Variants in FBN2 observed in about 807,000 individuals in gnomAD.
The protein encoded by FBN2 is fibrillin-2.
FBN2 carries 105 observed loss-of-function variants against 355.6 expected under a neutral mutation model. That is an observed-to-expected ratio of 0.30 (90% CI 0.25 to 0.35). FBN2 has a LOEUF of 0.35. Ranked by LOEUF, FBN2 falls within the 10% of genes least tolerant of loss-of-function variation. The pLI is 1.00. For synonymous variants in FBN2, 1,350 were observed against 1,301.2 expected, an observed-to-expected ratio of 1.04 and a Z score of -0.81; for missense variants, 3,280 against 3,758.7, an observed-to-expected ratio of 0.87 and a Z score of 3.33.
At chr5:128,343,890 A>G (rs1268669156) in intron 25 of FBN2, among the ~76,000 whole-genome samples, 1 of 152,200 alleles carries the variant, frequency 6.6e-6, no homozygotes, top group African/African-American at 2.4e-5. Context: ...TTCTCTCACA[A>G]CGAGTTTATT....
chr5:128,534,286 A>G (rs946730922), intron 2 of FBN2, among the ~76,000 whole-genome samples: 8 of 152,188 alleles, frequency 5.3e-5, no homozygotes, highest in African/African-American at 1.9e-4. Context: ...AAGGCCTGGA[A>G]TTAAAATTCT....
chr5:128,308,589 AAG>A (rs370746586), intron 41 of FBN2, among the ~76,000 whole-genome samples: 129 of 152,270 alleles, frequency 8.5e-4, no homozygotes, highest in African/African-American at 3.0e-3. Context: ...CAGGTCATAA[AAG>A]AGAGCCTGAT....
At chr5:128,439,850 A>G (rs1753869846) in intron 7 of FBN2, among the ~76,000 whole-genome samples, 1 of 152,132 alleles carries the variant, frequency 6.6e-6, no homozygotes, top group Non-Finnish European at 1.5e-5. Flanking sequence ...TATTTTTAGT[A>G]TCACTTTCTT....
Position 128,291,631 on chromosome 5 carries a change from G to T in FBN2, c.6190C>A (p.Pro2064Thr). ...CIDINECDED[P>T]NICLFGSCTN... ...CAGGAACCAAAAAGACAAATGTTGG[G>T]ATCTTCATCACATTCATTTATATCT... The change falls in exon 49 of 65, where the codon CCC becomes ACC. Residue 2064 changes from proline to threonine, a missense_variant. Pro to Thr is a conservative substitution (Grantham distance 38). Around this residue, in one of 6 missense-constraint regions of FBN2, gnomAD observed 2,284 missense variants for 2,749.5 expected, o/e 0.83. Transcript: ENST00000262464. 6.2e-7 allele frequency: 1 copy of T among 1,613,462 alleles called. No individual in the cohort carries two copies. Among genetic ancestry groups the T allele is most frequent in the Non-Finnish European group, 8.5e-7 (1 of 1,179,510 alleles).
rs1215574126 is a variant in FBN2 at position 128,537,837 on chromosome 5, G to C, written c.-234C>G. ...CTAGCGCAGTGAGCGGCGAGGCGCGGCGGAGGTGCAGCCGGCAGCCCCGAG... is the reference window on the plus strand; with the variant it reads ...CTAGCGCAGTGAGCGGCGAGGCGCGCCGGAGGTGCAGCCGGCAGCCCCGAG... On this transcript the variant is annotated 5_prime_UTR_variant, in exon 1 of 65. Transcript: ENST00000262464. 3.4e-6 allele frequency: 2 copies of C among 596,634 alleles called. No individual in the cohort carries two copies. Among genetic ancestry groups the C allele is most frequent in the Admixed American group, 5.9e-5 (2 of 33,702 alleles). The allele number at this position is 596,634 out of a possible 1,614,324, so 37.0% of individuals were successfully genotyped here. A position where few individuals can be genotyped will look rare whatever the true frequency, so the allele number is the denominator to read the frequency against.
chr5:128,324,910 C>T (rs1750502485), intron 34 of FBN2, among the ~76,000 whole-genome samples: 1 of 152,094 alleles, frequency 6.6e-6, no homozygotes, highest in Non-Finnish European at 1.5e-5. Flanking sequence ...TGAGCCACTG[C>T]GCTCGGCCAT....
In FBN2 at chr5:128,291,667, G is replaced by T. The variant is rs1315944744; in HGVS notation, c.6167-13C>A. The T allele has an allele frequency of 6.2e-7, 1 of 1,612,540 alleles. No homozygotes were observed. Among genetic ancestry groups the T allele is most frequent in the African/African-American group, 1.3e-5 (1 of 74,964 alleles). On this transcript the variant is annotated splice_polypyrimidine_tract_variant and intron_variant, in intron 48 of 64. Transcript: ENST00000262464. ...CATTCATTTATATCTGCAGAACAGG[G>T]GGAGTATTTATTAGCCATTCAACAC...
intron 25 of FBN2, among the ~76,000 whole-genome samples, chr5:128,339,761 G>T (rs934896803): frequency 6.6e-6 from 1 of 152,132 alleles, no homozygotes; most frequent in Admixed American, 6.6e-5. Context: ...ACCCCAGGTC[G>T]CAGCATGTGA....
Position 128,464,840 on chromosome 5 carries a change from G to C in FBN2, c.710C>G (p.Thr237Ser). ...CCGTCCAATGGTGGCACAGCACAGA[G>C]TCTTCGTGCAGACAATGCCTGTCAG... Reference protein sequence around the residue: ...GQLTGIVCTKTLCCATIGRAW... With the variant: ...GQLTGIVCTKSLCCATIGRAW... The change falls in exon 6 of 65, where the codon ACT (threonine) becomes AGT (serine). Residue 237 changes from threonine to serine, a missense_variant. Around this residue, in one of 6 missense-constraint regions of FBN2, gnomAD observed 130 missense variants for 189.9 expected, o/e 0.68. Transcript: ENST00000262464. The C allele has an allele frequency of 1.2e-6, 2 of 1,614,268 alleles. No individual in the cohort carries two copies. The highest frequency in any genetic ancestry group is 1.7e-6 in the Non-Finnish European group (2 of 1,180,054).
intron 6 of FBN2, among the ~76,000 whole-genome samples, chr5:128,449,610 T>C (rs1754182458): frequency 6.6e-6 from 1 of 151,304 alleles, no homozygotes; most frequent in South Asian, 2.1e-4. Context: ...ATATACACTA[T>C]TAATCTAAGA....
chr5:128,336,281 C>T (rs1353594310), intron 27 of FBN2, among the ~76,000 whole-genome samples, 168 bp from the exon 28 acceptor site: 1 of 152,208 alleles, frequency 6.6e-6, no homozygotes, highest in Non-Finnish European at 1.5e-5. Context: ...CTATTTCCAT[C>T]TACAACAATA....
At chr5:128,307,047 G>A in intron 42 of FBN2, 88 bp downstream of exon 42, 1 of 840,740 alleles carries the variant, frequency 1.2e-6, no homozygotes, top group South Asian at 1.4e-5. Flanking sequence ...TATATTTTGT[G>A]GTACTCTTGA....
chr5:128,432,742 T>A (rs1753658525), intron 7 of FBN2, among the ~76,000 whole-genome samples: 1 of 152,102 alleles, frequency 6.6e-6, no homozygotes, highest in South Asian at 2.1e-4. Flanking sequence ...AAACTAGTAT[T>A]TTATTTTGAC....
At chr5:128,472,834 T>TG (rs1430057968) in intron 5 of FBN2, among the ~76,000 whole-genome samples, 1 of 151,564 alleles carries the variant, frequency 6.6e-6, no homozygotes, top group African/African-American at 2.4e-5. Context: ...TTTTATGCAA[T>TG]GTGTGTTTTA....
At chr5:128,412,861 A>G (rs1226597017) in intron 7 of FBN2, among the ~76,000 whole-genome samples, 1 of 152,248 alleles carries the variant, frequency 6.6e-6, no homozygotes, top group Non-Finnish European at 1.5e-5. Context: ...ATAATAGTCC[A>G]GGGATAAATG....
At position 128,309,255 on chromosome 5, in the gene FBN2, G is replaced by A. The variant is rs1370840804; in HGVS notation, c.5345C>T (p.Pro1782Leu). 1 of 1,613,986 alleles carries A rather than the reference G, an allele frequency of 6.2e-7. No homozygotes were observed. Among genetic ancestry groups the A allele is most frequent in the East Asian group, 2.2e-5 (1 of 44,892 alleles). ...ACGAGCCGTGTGCTTACCTGTTCCTGGAGTTGGGCATGGTTCACAAGGTTT... is the reference window on the plus strand; with the variant it reads ...ACGAGCCGTGTGCTTACCTGTTCCTAGAGTTGGGCATGGTTCACAAGGTTT... ...WNKPCEPCPT[P>L]GTADFKTICG... Residue 1782 changes from proline (P) to leucine (L), a missense_variant, in exon 41 of 65, where the codon CCA becomes CTA. Physicochemically the swap from Pro to Leu is moderately conservative, Grantham distance 98. Around this residue, in one of 6 missense-constraint regions of FBN2, gnomAD observed 2,284 missense variants for 2,749.5 expected, o/e 0.83. Coordinates refer to ENST00000262464, the MANE Select transcript of FBN2 (RefSeq NM_001999.4).
chr5:128,419,441 T>C (rs1302397260), intron 7 of FBN2, among the ~76,000 whole-genome samples: 1 of 152,156 alleles, frequency 6.6e-6, no homozygotes, highest in Non-Finnish European at 1.5e-5. Context: ...TTAGTTGTAG[T>C]TTTTCATAGA....
intron 7 of FBN2, chr5:128,442,270 C>T (rs993662518): frequency 8.8e-6 from 4 of 454,002 alleles, no homozygotes; most frequent in South Asian, 1.6e-5. Context: ...CCCATGTAAG[C>T]CAGGAAAGAA....
chr5:128,319,049 A>T (rs1750292819), intron 34 of FBN2, 48 bp from the exon 35 acceptor site: 3 of 1,473,900 alleles, frequency 2.0e-6, no homozygotes, highest in Admixed American at 3.4e-5. Flanking sequence ...AGACATTTTA[A>T]AATTTTAATG....
Sources: gnomAD v4.1 joint callset for allele counts (sites outside exome capture counted in the v4.1 genomes callset) on GRCh38, gnomAD v4.1.1 for gene constraint, gnomAD v4.1.1 regional missense constraint, MANE v1.5 for transcripts, NCBI Gene and HGNC (gene_info 2026-07-23, HGNC 2026-07-21) for gene names.